Variants in CEP70 observed in about 807,000 individuals in gnomAD.
The protein encoded by CEP70 is centrosomal protein 70, also known as centrosomal protein of 70 kDa.
A neutral mutation model predicts 90.9 loss-of-function variants in CEP70; 70 were observed. The observed-to-expected ratio is 0.77, with a 90% CI of 0.64 to 0.94. CEP70 has a LOEUF of 0.94. Ranked by LOEUF, CEP70 falls within the 40% of genes least tolerant of loss-of-function variation. The pLI is 0.00. For synonymous variants in CEP70, 220 were observed against 228.3 expected (o/e 0.96, Z 0.33); for missense variants, 648 against 669.0 (o/e 0.97, Z 0.35).
chr3:138,538,265 A>G (rs1368549807), intron 6 of CEP70, among the ~76,000 whole-genome samples: 1 of 152,180 alleles, frequency 6.6e-6, no homozygotes, highest in Non-Finnish European at 1.5e-5. Context: ...CAGCCAAAGA[A>G]GATGCTAAAT....
intron 2 of CEP70, among the ~76,000 whole-genome samples, chr3:138,584,729 G>C (rs1046623768): frequency 6.6e-6 from 1 of 151,390 alleles, no homozygotes; most frequent in African/African-American, 2.4e-5. Flanking sequence ...AAAAGCACTT[G>C]ATAAAATTCA....
At chr3:138,556,730 A>G (rs549155833) in intron 6 of CEP70, among the ~76,000 whole-genome samples, 157 of 152,066 alleles carry the variant, frequency 1.0e-3, no homozygotes, top group African/African-American at 3.6e-3. Context: ...TAAAACCAGC[A>G]AGTTTTTATT....
At chr3:138,543,645 G>T (rs1353098532) in intron 6 of CEP70, among the ~76,000 whole-genome samples, 4 of 152,162 alleles carry the variant, frequency 2.6e-5, no homozygotes, top group Non-Finnish European at 5.9e-5. Context: ...ACGCAGCCCT[G>T]CCTGCACCTC....
chr3:138,546,278 A>C (rs1328519360), intron 6 of CEP70, among the ~76,000 whole-genome samples: 1 of 152,148 alleles, frequency 6.6e-6, no homozygotes, highest in Admixed American at 6.5e-5. Context: ...CCAGCAGAAA[A>C]TATGTATAGC....
At chr3:138,527,684 G>C (rs1251632922) in intron 10 of CEP70, among the ~76,000 whole-genome samples, 1 of 124,980 alleles carries the variant, frequency 8.0e-6, no homozygotes, top group Admixed American at 8.1e-5. Flanking sequence ...GACAGAGCAA[G>C]ACTCCGTCTC....
At chr3:138,560,531 C>T (rs903198248) in intron 6 of CEP70, among the ~76,000 whole-genome samples, 2 of 151,694 alleles carry the variant, frequency 1.3e-5, no homozygotes, top group African/African-American at 4.8e-5. Context: ...GAACCGTTTG[C>T]TCCCCTGGAA....
At chr3:138,543,631 G>GAGCACGC (rs2038940318) in intron 6 of CEP70, among the ~76,000 whole-genome samples, 1 of 152,162 alleles carries the variant, frequency 6.6e-6, no homozygotes, top group African/African-American at 2.4e-5. Flanking sequence ...CAGCTCCATG[G>GAGCACGC]AGCACGCAGC....
At chr3:138,586,150 T>C (rs2108266567) in intron 2 of CEP70, among the ~76,000 whole-genome samples, 1 of 152,196 alleles carries the variant, frequency 6.6e-6, no homozygotes, top group Non-Finnish European at 1.5e-5. Flanking sequence ...ATAGCCAGGA[T>C]GTATAAGGAT....
At chr3:138,520,916 C>T (rs900676003) in intron 11 of CEP70, among the ~76,000 whole-genome samples, 10 of 152,200 alleles carry the variant, frequency 6.6e-5, no homozygotes, top group African/African-American at 2.2e-4. Context: ...CTGCCTGATT[C>T]TCCTGCCTCA....
chr3:138,582,382 G>A (rs867471390), intron 2 of CEP70, among the ~76,000 whole-genome samples: 8 of 152,100 alleles, frequency 5.3e-5, no homozygotes, highest in Non-Finnish European at 1.0e-4. Context: ...TGAGGCAGGA[G>A]AATCGCTTGA....
At chr3:138,520,566 C>T (rs1480303388) in intron 11 of CEP70, among the ~76,000 whole-genome samples, 1 of 152,156 alleles carries the variant, frequency 6.6e-6, no homozygotes, top group African/African-American at 2.4e-5. Flanking sequence ...AACTGAACAA[C>T]CTGCTCCTGA....
At chr3:138,530,323 C>T (rs1317383306) in intron 8 of CEP70, among the ~76,000 whole-genome samples, 1 of 152,124 alleles carries the variant, frequency 6.6e-6, no homozygotes, top group African/African-American at 2.4e-5. Flanking sequence ...CTACATTTCA[C>T]TTTAACTATT....
At chr3:138,590,134 G>A (rs930781317) in intron 2 of CEP70, among the ~76,000 whole-genome samples, 6 of 152,158 alleles carry the variant, frequency 3.9e-5, no homozygotes, top group African/African-American at 1.4e-4. Context: ...AAAAAAAAAG[G>A]TTTAATGTTT....
chr3:138,561,753 C>T (rs1056023664), intron 6 of CEP70, among the ~76,000 whole-genome samples: 6 of 152,006 alleles, frequency 3.9e-5, no homozygotes, highest in Admixed American at 1.3e-4. Flanking sequence ...TGGCCGGGTG[C>T]GGTGGCTCAC....
intron 6 of CEP70, among the ~76,000 whole-genome samples, chr3:138,541,703 G>A (rs954293998): frequency 1.8e-4 from 28 of 152,182 alleles, no homozygotes; most frequent in African/African-American, 6.5e-4. Flanking sequence ...CATATCTCTA[G>A]TATGAATACT....
intron 11 of CEP70, among the ~76,000 whole-genome samples, chr3:138,519,027 T>C (rs938139783): frequency 6.6e-6 from 1 of 151,998 alleles, no homozygotes; most frequent in Admixed American, 6.6e-5. Flanking sequence ...GACAACTACA[T>C]GACGAATGCA....
At chr3:138,568,821 TACAA>T (rs2040960202) in intron 6 of CEP70, among the ~76,000 whole-genome samples, 1 of 151,452 alleles carries the variant, frequency 6.6e-6, no homozygotes, top group Non-Finnish European at 1.5e-5. Context: ...TCTACTAAAA[TACAA>T]ACAATTAGCC....
intron 6 of CEP70, among the ~76,000 whole-genome samples, chr3:138,544,224 TA>T (rs906494517): frequency 5.7e-3 from 835 of 147,208 alleles, no homozygotes; most frequent in African/African-American, 0.019. Context: ...ACAGGTACAC[TA>T]AAAAAAAAGC....
intron 2 of CEP70, among the ~76,000 whole-genome samples, chr3:138,585,295 A>T (rs1467883486): frequency 6.6e-6 from 1 of 152,216 alleles, no homozygotes; most frequent in Admixed American, 6.5e-5. Context: ...CATTTACAAT[A>T]GCCACAAAGA....
Sources: allele counts gnomAD v4.1 joint callset (sites outside exome capture counted in the v4.1 genomes callset), GRCh38; gene constraint gnomAD v4.1.1; transcripts MANE v1.5; gene names NCBI Gene and HGNC (gene_info 2026-07-23, HGNC 2026-07-21).